PLD5: variants seen among roughly 807,000 people sequenced by gnomAD.
PLD5 encodes inactive phospholipase D5.
PLD5 carries 36 observed loss-of-function variants against 61.1 expected under a neutral mutation model. The observed-to-expected ratio is 0.59, with a 90% CI of 0.45 to 0.78. The LOEUF (loss-of-function observed/expected upper bound fraction) is 0.78, where lower values mean the gene tolerates loss of function less well. Among genes scored for constraint, PLD5 ranks in the 30% least tolerant of loss-of-function variants. PLD5 has a pLI of 0.00. For missense variants in PLD5, 515 were observed against 644.4 expected (o/e 0.80, Z 2.17); for synonymous variants, 243 against 242.8 (o/e 1.00, Z -0.01).
chr1:242,411,102 A>T (rs894278209), intron 1 of PLD5, among the ~76,000 whole-genome samples: 18 of 152,254 alleles, frequency 1.2e-4, no homozygotes, highest in African/African-American at 4.3e-4. Flanking sequence ...AACAGAAAGA[A>T]TCATAAAATT....
At chr1:242,110,550 C>T (rs1270740599) in intron 7 of PLD5, among the ~76,000 whole-genome samples, 3 of 152,166 alleles carry the variant, frequency 2.0e-5, no homozygotes, top group Admixed American at 1.3e-4. Context: ...TGGCTCATAC[C>T]TGTAATCCTA....
At chr1:242,199,755 G>C (rs899787121) in intron 5 of PLD5, among the ~76,000 whole-genome samples, 2 of 152,166 alleles carry the variant, frequency 1.3e-5, no homozygotes, top group African/African-American at 4.8e-5. Context: ...TTATGAGTGA[G>C]AACATGCGGT....
At chr1:242,183,767 C>G (rs1057455119) in intron 5 of PLD5, among the ~76,000 whole-genome samples, 13 of 137,888 alleles carry the variant, frequency 9.4e-5, no homozygotes, top group Non-Finnish European at 1.5e-4. Flanking sequence ...GGTGGCGGGC[C>G]CCTGTAGTCC....
intron 1 of PLD5, among the ~76,000 whole-genome samples, chr1:242,444,808 C>T (rs1025371970): frequency 2.6e-5 from 3 of 116,692 alleles, no homozygotes; most frequent in South Asian, 2.8e-4. Context: ...CTTCTAAACA[C>T]CTCATTGGAC....
chr1:242,523,457 C>T (rs912692548), intron 1 of PLD5, among the ~76,000 whole-genome samples: 3 of 152,090 alleles, frequency 2.0e-5, no homozygotes, highest in African/African-American at 7.2e-5. Context: ...CCGGCTCCCA[C>T]CCTCCAGAGG....
chr1:242,438,435 TTTTC>T, intron 1 of PLD5, among the ~76,000 whole-genome samples: 1 of 142,548 alleles, frequency 7.0e-6, no homozygotes, highest in Non-Finnish European at 1.5e-5. Context: ...GGCTAATTTT[TTTTC>T]TTTTTTTTTT....
intron 1 of PLD5, among the ~76,000 whole-genome samples, chr1:242,493,933 A>G (rs899409749): frequency 1.3e-5 from 2 of 152,258 alleles, no homozygotes; most frequent in Non-Finnish European, 2.9e-5. Flanking sequence ...GGAATTAAGC[A>G]ATGAGTTCTA....
intron 1 of PLD5, among the ~76,000 whole-genome samples, chr1:242,520,007 T>C (rs151279326): frequency 2.6e-5 from 4 of 152,314 alleles, no homozygotes; most frequent in South Asian, 2.1e-4. Context: ...AAGTGCTTTG[T>C]ATGCTGCAGC....
chr1:242,367,164 C>A (rs2149242937), intron 1 of PLD5, among the ~76,000 whole-genome samples: 1 of 152,172 alleles, frequency 6.6e-6, no homozygotes, highest in South Asian at 2.1e-4. Context: ...ACAGTAATAT[C>A]ATAATAATTT....
intron 1 of PLD5, among the ~76,000 whole-genome samples, chr1:242,388,837 T>A (rs1185306379): frequency 6.6e-6 from 1 of 152,020 alleles, no homozygotes; most frequent in Admixed American, 6.6e-5. Flanking sequence ...GGGCCTGTAA[T>A]CCCAGCTACT....
chr1:242,267,049 G>A (rs1673722012), intron 3 of PLD5, among the ~76,000 whole-genome samples: 1 of 151,834 alleles, frequency 6.6e-6, no homozygotes, highest in African/African-American at 2.4e-5. Context: ...CCTGGGAGGT[G>A]GAGGTTACAG....
intron 1 of PLD5, among the ~76,000 whole-genome samples, chr1:242,521,958 C>A (rs1212357140): frequency 7.3e-6 from 1 of 137,038 alleles, no homozygotes; most frequent in Non-Finnish European, 1.6e-5. Context: ...AAACAACTAG[C>A]TCTTGAATTC....
chr1:242,431,522 G>A (rs61845898), intron 1 of PLD5, among the ~76,000 whole-genome samples: 10,715 of 152,202 alleles, frequency 0.07, 528 homozygotes, highest in Admixed American at 0.15. Context: ...TGCATGTGAC[G>A]CTTGCTCTTG....
intron 5 of PLD5, among the ~76,000 whole-genome samples, chr1:242,136,619 CT>C (rs1242215196): frequency 6.6e-6 from 1 of 152,170 alleles, no homozygotes; most frequent in Non-Finnish European, 1.5e-5. Flanking sequence ...CAAAGCACTA[CT>C]CTGCTGAGGC....
At chr1:242,378,585 A>T (rs1053193925) in intron 1 of PLD5, among the ~76,000 whole-genome samples, 6 of 152,220 alleles carry the variant, frequency 3.9e-5, no homozygotes, top group Non-Finnish European at 8.8e-5. Flanking sequence ...TTGCACCTGT[A>T]ATCCCAGCAC....
At chr1:242,244,305 A>G (rs1448351048) in intron 4 of PLD5, among the ~76,000 whole-genome samples, 3 of 152,210 alleles carry the variant, frequency 2.0e-5, no homozygotes, top group African/African-American at 7.2e-5. Flanking sequence ...CAAAGTACTC[A>G]TGATGAGGAA....
chr1:242,166,549 G>A (rs529700295), intron 5 of PLD5, among the ~76,000 whole-genome samples: 5 of 152,148 alleles, frequency 3.3e-5, no homozygotes, highest in East Asian at 1.9e-4. Flanking sequence ...TGCATCATTC[G>A]ACTCCGAAAC....
chr1:242,199,592 T>C lies in PLD5; in HGVS notation c.735+20396A>G, dbSNP rs112819505. ...ATTTTGCTACACTGATTTATTGCACTGTGGTGAAATCACGGCCTTCAGTGT... is the reference window on the plus strand; with the variant it reads ...ATTTTGCTACACTGATTTATTGCACCGTGGTGAAATCACGGCCTTCAGTGT... On this transcript the variant is annotated intron_variant, in intron 5 of 9. Coordinates refer to ENST00000536534, the MANE Select transcript of PLD5 (RefSeq NM_001372062.1). Among the ~76,000 whole-genome samples the C allele has an allele frequency of 3.4e-3, 518 of 152,286 alleles. 7 individuals carry two copies. The highest frequency in any genetic ancestry group is 0.011 in the African/African-American group (459 of 41,548).
chr1:242,335,473 G>T (rs1452952906), intron 2 of PLD5, among the ~76,000 whole-genome samples: 2 of 152,160 alleles, frequency 1.3e-5, no homozygotes, highest in Non-Finnish European at 2.9e-5. Flanking sequence ...ACCAAGATCT[G>T]CCTGGAGACT....
Sources: gnomAD v4.1 joint callset for allele counts (sites outside exome capture counted in the v4.1 genomes callset) on GRCh38, gnomAD v4.1.1 for gene constraint, MANE v1.5 for transcripts, NCBI Gene and HGNC (gene_info 2026-07-23, HGNC 2026-07-21) for gene names.